DOT1L: variants seen among roughly 807,000 people sequenced by gnomAD.
The protein encoded by DOT1L is histone-lysine N-methyltransferase, H3 lysine-79 specific.
DOT1L carries 33 observed loss-of-function variants against 153.3 expected under a neutral mutation model. The ratio of observed to expected loss-of-function variants is 0.22; its 90% CI spans 0.16 to 0.29. The LOEUF is 0.29. DOT1L is among the 10% of genes least tolerant of loss of function. The probability of loss-of-function intolerance (pLI) is 1.00; values close to 1 mark genes in which losing one functional copy is unlikely to be tolerated. For missense variants in DOT1L, 1,847 were observed against 2,119.9 expected, an observed-to-expected ratio of 0.87 and a Z score of 2.53; for synonymous variants, 1,135 against 965.1, an observed-to-expected ratio of 1.18 and a Z score of -3.26.
At chr19:2,176,076 C>G (rs1248736956) in intron 1 of DOT1L, among the ~76,000 whole-genome samples, 1 of 152,132 alleles carries the variant, frequency 6.6e-6, no homozygotes, top group Non-Finnish European at 1.5e-5. Flanking sequence ...CGCCTCTTGG[C>G]CGAGGCTGCT....
At chr19:2,228,487 G>C in intron 27 of DOT1L, 2 of 1,195,732 alleles carry the variant, frequency 1.7e-6, no homozygotes, top group Non-Finnish European at 2.1e-6. Flanking sequence ...GGGGTCCTGA[G>C]GAGGGAAGAG....
At position 2,206,638 on chromosome 19, in the gene DOT1L, C is replaced by T. The variant is rs549742206; in HGVS notation, c.788-91C>T. On this transcript the variant is annotated intron_variant, in intron 9 of 27. Transcript: ENST00000398665. Reference sequence around the variant, plus strand: ...CCCGGAGCCCAGTGTGTGTGTGTTCCGTGTCATTGTTCCTTCTCTGTCACC... The same window carrying T: ...CCCGGAGCCCAGTGTGTGTGTGTTCTGTGTCATTGTTCCTTCTCTGTCACC... The T allele has an allele frequency of 7.9e-5, 102 of 1,284,486 alleles. 2 individuals carry two copies. In the East Asian group the frequency reaches 1.8e-3, roughly 22 times the overall value. 79.6% of individuals were successfully genotyped at this position (1,284,486 alleles called of 1,614,324 possible). A position where few individuals can be genotyped will look rare whatever the true frequency, so the allele number is the denominator to read the frequency against.
Position 2,229,890 on chromosome 19 carries a change from A to G in DOT1L, c.*98A>G. On this transcript the variant is annotated 3_prime_UTR_variant, in exon 28 of 28. Transcript: ENST00000398665. Reference sequence around the variant, plus strand: ...CGGCCTGCCGGGCTCCCACCCCTGGACGGCAGAGGCAAGGACGGACGGGAG... The same window carrying G: ...CGGCCTGCCGGGCTCCCACCCCTGGGCGGCAGAGGCAAGGACGGACGGGAG... The G allele has an allele frequency of 6.2e-7, 1 of 1,606,530 alleles. No individual in the cohort carries two copies. The highest frequency in any genetic ancestry group is 8.5e-7 in the Non-Finnish European group (1 of 1,176,998).
Position 2,217,183 on chromosome 19 carries a change from C to T in DOT1L, c.2544+93C>T, listed in dbSNP as rs2023940106. On this transcript the variant is annotated intron_variant, in intron 21 of 27. Transcript: ENST00000398665. This position sits in a 1 kb window ranked among gnomAD's most constrained non-coding sequence, Gnocchi z 7.3. ...AGCAGGAGGGCTTGTCCTAGTTGACCTTGGGGCACGGTGAGGTACTGGGGC... is the reference window on the plus strand; with the variant it reads ...AGCAGGAGGGCTTGTCCTAGTTGACTTTGGGGCACGGTGAGGTACTGGGGC... The T allele has an allele frequency of 4.1e-6, 6 of 1,446,530 alleles. No homozygotes were observed. The highest frequency in any genetic ancestry group is 1.4e-5 in the South Asian group (1 of 70,332). The allele number at this position is 1,446,530 out of a possible 1,614,324, so 89.6% of individuals were successfully genotyped here.
intron 19 of DOT1L, chr19:2,215,970 C>A: frequency 3.2e-6 from 1 of 312,126 alleles, no homozygotes; most frequent in Non-Finnish European, 5.9e-6. Context: ...ACAGGTTTTA[C>A]ACTTAGTGAA....
rs1182281576 is a variant in DOT1L at position 2,207,204 on chromosome 19, G to T, written c.857-370G>T. ...CTCTGTCAGCTCCCAGCCTTGCGGG[G>T]CAGCACGGCCTCCTCTGAGGGGCTT... On this transcript the variant is annotated intron_variant, in intron 10 of 27. Coordinates refer to ENST00000398665, the MANE Select transcript of DOT1L (RefSeq NM_032482.3). This position sits in a 1 kb window ranked among gnomAD's most constrained non-coding sequence, Gnocchi z 4.5. Among the ~76,000 whole-genome samples the T allele has an allele frequency of 1.3e-5, 2 of 152,248 alleles. No individual in the cohort carries two copies. The highest frequency in any genetic ancestry group is 4.8e-5 in the African/African-American group (2 of 41,462).
At chr19:2,225,589 G>T (rs572823820) in intron 26 of DOT1L, 137 bp downstream of exon 26, 60 of 985,000 alleles carry the variant, frequency 6.1e-5, no homozygotes, top group East Asian at 5.5e-4. Context: ...GTCCTGCGTG[G>T]TGCTGGCCTG....
rs1344194320 is a variant in DOT1L at position 2,223,357 on chromosome 19, C to T, written c.3467C>T (p.Pro1156Leu). ...PETSLKSSPV[P>L]YQDHDQPPVL... ...ACCTCCCTGAAGAGCTCCCCTGTGC[C>T]CTACCAGGACCACGACCAGCCCCCC... Residue 1156 changes from proline to leucine, a missense_variant, in exon 25 of 28, where the codon CCC becomes CTC. Pro to Leu is a moderately conservative substitution (Grantham distance 98). Transcript: ENST00000398665. 1.2e-6 allele frequency: 2 copies of T among 1,613,800 alleles called. No homozygotes were observed. Among genetic ancestry groups the T allele is most frequent in the Non-Finnish European group, 1.7e-6 (2 of 1,179,978 alleles).
chr19:2,207,581 C>G lies in DOT1L; in HGVS notation c.864C>G (p.Gly288=). The part of the protein sequence containing the change: ...RINSRNLSDI[G]TIMRVVELSP... ...CACCTGTGGCTCCTGCAGACATCGG[C>G]ACCATCATGCGCGTGGTGGAGCTCT... Residue 288 remains glycine (G), a synonymous_variant, in exon 11 of 28, where the codon GGC becomes GGG. Coordinates refer to ENST00000398665, the MANE Select transcript of DOT1L (RefSeq NM_032482.3). The surrounding 1 kb of genome is among the most constrained non-coding windows in gnomAD (Gnocchi z 4.5). 6.2e-7 allele frequency: 1 copy of G among 1,609,810 alleles called. No homozygotes were observed. Among genetic ancestry groups the G allele is most frequent in the South Asian group, 1.1e-5 (1 of 90,992 alleles).
chr19:2,210,549 C>T (rs1484528830), intron 13 of DOT1L, 39 bp downstream of exon 13: 20 of 1,588,608 alleles, frequency 1.3e-5, no homozygotes, highest in Non-Finnish European at 1.7e-5. Context: ...GGAGGGCACC[C>T]GCCCCCTGCC....
chr19:2,222,695 T>G lies in DOT1L; in HGVS notation c.3390+136T>G, dbSNP rs2144908310. On this transcript the variant is annotated intron_variant, in intron 24 of 27. Coordinates refer to ENST00000398665, the MANE Select transcript of DOT1L (RefSeq NM_032482.3). The surrounding 1 kb of genome is among the most constrained non-coding windows in gnomAD (Gnocchi z 6.5). ...GCGGGTGGATCACAAGATCAGGACATCAAGACCATCCTGGCTAACACGGTG... is the reference window on the plus strand; with the variant it reads ...GCGGGTGGATCACAAGATCAGGACAGCAAGACCATCCTGGCTAACACGGTG... The G allele has an allele frequency of 2.4e-6, 2 of 820,258 alleles. No homozygotes were observed. Among genetic ancestry groups the G allele is most frequent in the Non-Finnish European group, 3.7e-6 (2 of 540,692 alleles). 50.8% of individuals were successfully genotyped at this position (820,258 alleles called of 1,614,324 possible).
Position 2,220,495 on chromosome 19 carries a change from G to T in DOT1L, c.2806+273G>T, listed in dbSNP as rs1341187535. The T allele has an allele frequency of 1.8e-6, 1 of 560,186 alleles. No individual in the cohort carries two copies. The highest frequency in any genetic ancestry group is 3.4e-6 in the Non-Finnish European group (1 of 293,948). The allele number at this position is 560,186 out of a possible 1,614,324, so 34.7% of individuals were successfully genotyped here. A position where few individuals can be genotyped will look rare whatever the true frequency, so the allele number is the denominator to read the frequency against. On this transcript the variant is annotated intron_variant, in intron 23 of 27. Transcript: ENST00000398665. This position sits in a 1 kb window ranked among gnomAD's most constrained non-coding sequence, Gnocchi z 4.5. ...TGTATTAATTCAGCCCGTGAGGTCG[G>T]CCCCAGTGCTCTCGGGGGCTCCTGT... is the stretch of plus-strand genomic sequence containing the variant.
Position 2,185,935 on chromosome 19 carries a change from C to T in DOT1L, c.200+6C>T. The T allele has an allele frequency of 6.2e-7, 1 of 1,613,854 alleles. No individual in the cohort carries two copies. The highest frequency in any genetic ancestry group is 8.5e-7 in the Non-Finnish European group (1 of 1,179,858). On this transcript the variant is annotated splice_donor_region_variant and intron_variant, in intron 3 of 27. Coordinates refer to ENST00000398665, the MANE Select transcript of DOT1L (RefSeq NM_032482.3). ...ATTGACTATGACACCAAAAGGTAAG[C>T]AGAGTCCTGTCCAGCCGCTCCGCTC...
intron 3 of DOT1L, among the ~76,000 whole-genome samples, chr19:2,187,025 G>A (rs931773518): frequency 2.6e-5 from 4 of 152,216 alleles, no homozygotes. Flanking sequence ...CTGTGCTTTC[G>A]GGTTTTCACG....
chr19:2,227,343 C>T (rs1184138441), intron 27 of DOT1L: 5 of 743,640 alleles, frequency 6.7e-6, no homozygotes, highest in South Asian at 3.0e-5. Flanking sequence ...TGGTTGTAAC[C>T]GCGTCCCTCT....
chr19:2,214,456 T>C lies in DOT1L; in HGVS notation c.1798-15T>C. 6.2e-7 allele frequency: 1 copy of C among 1,612,070 alleles called. No homozygotes were observed. Among genetic ancestry groups the C allele is most frequent in the Non-Finnish European group, 8.5e-7 (1 of 1,179,476 alleles). On this transcript the variant is annotated splice_polypyrimidine_tract_variant and intron_variant, in intron 18 of 27. Transcript: ENST00000398665. ...CAGCCAGCCAGTCGCAACTGTCCCA[T>C]CCCTATCCCCTCAGCTCAAGGCTCG...
chr19:2,192,793 A>C (rs776547541), intron 5 of DOT1L, among the ~76,000 whole-genome samples: 1 of 152,152 alleles, frequency 6.6e-6, no homozygotes, highest in African/African-American at 2.4e-5. Flanking sequence ...TTGAGGCTGC[A>C]GTGAGCCAGG....
chr19:2,177,959 G>A (rs1489170107), intron 1 of DOT1L, among the ~76,000 whole-genome samples: 1 of 150,054 alleles, frequency 6.7e-6, no homozygotes, highest in East Asian at 1.9e-4. Flanking sequence ...TTCTCACTCT[G>A]TATCCCAGGC....
At chr19:2,221,812 C>T in intron 23 of DOT1L, 164 bp from the exon 24 acceptor site, 1 of 709,976 alleles carries the variant, frequency 1.4e-6, no homozygotes, top group Non-Finnish European at 2.3e-6. Context: ...CCCACAGAGC[C>T]TTCTGGTTCC....
Sources: allele counts gnomAD v4.1 joint callset (sites outside exome capture counted in the v4.1 genomes callset), GRCh38; gene constraint gnomAD v4.1.1; non-coding constraint Gnocchi (gnomAD v3.1); transcripts MANE v1.5; gene names NCBI Gene and HGNC (gene_info 2026-07-23, HGNC 2026-07-21).